Variants in LRBA observed in about 807,000 individuals in gnomAD.
LRBA encodes lipopolysaccharide-responsive and beige-like anchor protein.
Under a neutral mutation model 330.0 loss-of-function variants are expected in LRBA, and 176 were observed. The observed-to-expected ratio is 0.53, with a 90% CI of 0.47 to 0.60. The LOEUF (loss-of-function observed/expected upper bound fraction) is 0.60. LRBA is among the 20% of genes least tolerant of loss of function. The pLI, the probability that LRBA is intolerant of heterozygous loss-of-function variation, is 0.00. For synonymous variants in LRBA, 1,230 were observed against 1,193.0 expected (o/e 1.03, Z -0.64); for missense variants, 3,259 against 3,444.8 (o/e 0.95, Z 1.35).
chr4:150,539,963 G>T lies in LRBA; in HGVS notation c.6330+48085C>A, dbSNP rs1042615498. On this transcript the variant is annotated intron_variant, in intron 40 of 56. Coordinates refer to ENST00000651943, the MANE Select transcript of LRBA (RefSeq NM_001364905.1). ...ACAAATATCGTATTAATATTTGAAA[G>T]TTTTTTAATGTTTAGTATTTTATTT... 3.9e-5 allele frequency among the ~76,000 whole-genome samples: 6 copies of T among 152,222 alleles called. No individual in the cohort carries two copies. In the East Asian group the frequency reaches 1.2e-3, roughly 29 times the overall value.
intron 4 of LRBA, among the ~76,000 whole-genome samples, chr4:150,926,831 G>A (rs1733929926): frequency 6.6e-6 from 1 of 152,048 alleles, no homozygotes; most frequent in African/African-American, 2.4e-5. Flanking sequence ...CCAGCACTTT[G>A]GGAGGCCAAG....
intron 47 of LRBA, among the ~76,000 whole-genome samples, chr4:150,378,326 CAAT>C (rs1396706903): frequency 6.6e-6 from 1 of 152,146 alleles, no homozygotes; most frequent in Non-Finnish European, 1.5e-5. Flanking sequence ...AAAAGGTACA[CAAT>C]AATAACTGCT....
chr4:150,496,395 T>C (rs12506612), intron 40 of LRBA, among the ~76,000 whole-genome samples: 24,035 of 152,062 alleles, frequency 0.16, 1,912 homozygotes, highest in Middle Eastern at 0.18. Context: ...CCCAACTATA[T>C]ACTCTTATTT....
At chr4:150,618,883 CACACATATAT>C (rs1776037088) in intron 37 of LRBA, among the ~76,000 whole-genome samples, 1 of 150,390 alleles carries the variant, frequency 6.6e-6, no homozygotes, top group African/African-American at 2.4e-5. Flanking sequence ...CACACATACA[CACACATATAT>C]ATATCCTAAT....
chr4:150,689,782 C>T (rs932653605), intron 36 of LRBA, among the ~76,000 whole-genome samples: 12 of 151,812 alleles, frequency 7.9e-5, no homozygotes, highest in Admixed American at 2.6e-4. Flanking sequence ...AAAATTAGCC[C>T]GGTGTGGTGG....
At chr4:150,267,672 G>T (rs1440290477) in intron 56 of LRBA, among the ~76,000 whole-genome samples, 2 of 152,090 alleles carry the variant, frequency 1.3e-5, no homozygotes, top group African/African-American at 4.8e-5. Flanking sequence ...AGAGTAGAGA[G>T]AAATAAAGCA....
chr4:150,345,167 C>A (rs1363780090), intron 48 of LRBA, among the ~76,000 whole-genome samples: 2 of 152,184 alleles, frequency 1.3e-5, no homozygotes, highest in Non-Finnish European at 2.9e-5. Context: ...TATCTCTGTA[C>A]TGAATTTATC....
chr4:150,330,140 C>G (rs1472787872), intron 48 of LRBA, among the ~76,000 whole-genome samples: 2 of 152,060 alleles, frequency 1.3e-5, no homozygotes, highest in Non-Finnish European at 2.9e-5. Flanking sequence ...TTTATTCTCT[C>G]ATTCTATCTA....
At chr4:150,749,103 T>C (rs1299699499) in intron 35 of LRBA, among the ~76,000 whole-genome samples, 2 of 152,140 alleles carry the variant, frequency 1.3e-5, no homozygotes, top group Admixed American at 6.5e-5. Context: ...ACATCATATA[T>C]AAAATTACCT....
chr4:151,010,661 C>T (rs1579493692), intron 2 of LRBA, among the ~76,000 whole-genome samples: 1 of 151,810 alleles, frequency 6.6e-6, no homozygotes, highest in East Asian at 1.9e-4. Flanking sequence ...GCAGGCAGAT[C>T]ACCTGAGGTC....
intron 34 of LRBA, among the ~76,000 whole-genome samples, chr4:150,779,638 C>T (rs1443783537): frequency 1.3e-5 from 2 of 151,994 alleles, no homozygotes; most frequent in East Asian, 3.8e-4. Context: ...GAGAGAAAAT[C>T]ATTATTTATT....
chr4:150,557,848 C>G lies in LRBA; in HGVS notation c.6330+30200G>C, dbSNP rs534400017. On this transcript the variant is annotated intron_variant, in intron 40 of 56. Coordinates refer to ENST00000651943, the MANE Select transcript of LRBA (RefSeq NM_001364905.1). ...AAGTAGCATTTCTCAGGGGTTTCCA[C>G]TGTATAGTTATTTTAGTTATTTCCT... 2.1e-4 allele frequency among the ~76,000 whole-genome samples: 32 copies of G among 152,226 alleles called. 1 individual carries two copies. The highest frequency in any genetic ancestry group is 6.8e-3 in the Middle Eastern group (2 of 294).
chr4:150,936,275 G>T (rs1735075331), intron 2 of LRBA, among the ~76,000 whole-genome samples: 1 of 152,038 alleles, frequency 6.6e-6, no homozygotes, highest in African/African-American at 2.4e-5. Context: ...ATCAGCAGCA[G>T]ATGCCAATGA....
intron 42 of LRBA, among the ~76,000 whole-genome samples, chr4:150,478,840 C>T (rs779797416): frequency 3.3e-5 from 5 of 152,196 alleles, no homozygotes; most frequent in Non-Finnish European, 7.3e-5. Context: ...TACTACAACA[C>T]TCTAATTATA....
chr4:150,387,264 C>A (rs1202215536), intron 47 of LRBA, among the ~76,000 whole-genome samples: 1 of 151,830 alleles, frequency 6.6e-6, no homozygotes, highest in Admixed American at 6.6e-5. Flanking sequence ...CATATTCTTC[C>A]ATTAAAAAAA....
chr4:150,626,320 T>C (rs951095219), intron 37 of LRBA, among the ~76,000 whole-genome samples: 1 of 152,176 alleles, frequency 6.6e-6, no homozygotes, highest in Non-Finnish European at 1.5e-5. Flanking sequence ...TCATAACATA[T>C]ATACTAAAAT....
At chr4:150,899,692 C>T (rs1375331460) in intron 14 of LRBA, among the ~76,000 whole-genome samples, 1 of 152,104 alleles carries the variant, frequency 6.6e-6, no homozygotes, top group Non-Finnish European at 1.5e-5. Flanking sequence ...ATTCCCAAAA[C>T]ACCATTTTCA....
intron 55 of LRBA, among the ~76,000 whole-genome samples, chr4:150,281,894 G>A (rs767065949): frequency 2.6e-5 from 4 of 152,160 alleles, no homozygotes; most frequent in South Asian, 2.1e-4. Context: ...GTGCCATTTC[G>A]GGTAGACCCA....
intron 49 of LRBA, among the ~76,000 whole-genome samples, chr4:150,324,499 A>G (rs1377714053): frequency 6.6e-6 from 1 of 152,096 alleles, no homozygotes; most frequent in African/African-American, 2.4e-5. Context: ...ATGATGGCCA[A>G]TTCATACTGC....
Sources: gnomAD v4.1 joint callset for allele counts (sites outside exome capture counted in the v4.1 genomes callset) on GRCh38, gnomAD v4.1.1 for gene constraint, MANE v1.5 for transcripts, NCBI Gene and HGNC (gene_info 2026-07-23, HGNC 2026-07-21) for gene names.